The following PTPRG variants were observed in gnomAD, a reference collection of about 807,000 sequenced individuals.
The protein encoded by PTPRG is receptor-type tyrosine-protein phosphatase gamma.
A neutral mutation model predicts 165.3 loss-of-function variants in PTPRG; 102 were observed. The ratio of observed to expected loss-of-function variants is 0.62; its 90% confidence interval spans 0.53 to 0.73. PTPRG has a LOEUF of 0.73. Among genes scored for constraint, PTPRG ranks in the 30% least tolerant of loss-of-function variants. The pLI is 0.00. For synonymous variants in PTPRG, 675 were observed against 669.5 expected (o/e 1.01, Z -0.13); for missense variants, 1,866 against 1,861.4 (o/e 1.00, Z -0.05).
intron 7 of PTPRG, among the ~76,000 whole-genome samples, chr3:62,166,973 G>A (rs13063800): frequency 0.18 from 27,172 of 151,968 alleles, 3,281 homozygotes; most frequent in East Asian, 0.35. Flanking sequence ...TTGAGTCACC[G>A]CACCTGGCCC....
chr3:61,751,371 G>C (rs2033424595), intron 2 of PTPRG, among the ~76,000 whole-genome samples: 1 of 152,156 alleles, frequency 6.6e-6, no homozygotes, highest in African/African-American at 2.4e-5. Flanking sequence ...ACAAAAAAAG[G>C]CTCATTTTTT....
At chr3:62,040,981 C>T (rs1199468723) in intron 4 of PTPRG, among the ~76,000 whole-genome samples, 1 of 152,188 alleles carries the variant, frequency 6.6e-6, no homozygotes, top group Non-Finnish European at 1.5e-5. Flanking sequence ...TGCAGATGAA[C>T]AGACCAAACT....
At chr3:61,669,171 A>T (rs1171617842) in intron 1 of PTPRG, among the ~76,000 whole-genome samples, 1 of 152,060 alleles carries the variant, frequency 6.6e-6, no homozygotes, top group African/African-American at 2.4e-5. Context: ...TTGAGAGTGG[A>T]CTAAGGTAGT....
intron 7 of PTPRG, among the ~76,000 whole-genome samples, chr3:62,164,162 C>T (rs1704876373): frequency 6.6e-6 from 1 of 152,124 alleles, no homozygotes; most frequent in Non-Finnish European, 1.5e-5. Flanking sequence ...GTGGCTCCAG[C>T]CTGATTTCCA....
intron 1 of PTPRG, among the ~76,000 whole-genome samples, chr3:61,614,564 C>T (rs1229567004): frequency 6.6e-6 from 1 of 151,812 alleles, no homozygotes; most frequent in African/African-American, 2.4e-5. Flanking sequence ...TGTGCACCAC[C>T]ACGCCCAGCT....
intron 1 of PTPRG, among the ~76,000 whole-genome samples, chr3:61,673,534 T>A (rs55753309): frequency 0.057 from 8,726 of 152,252 alleles, 545 homozygotes; most frequent in African/African-American, 0.16. Context: ...GAGTACAAAT[T>A]TATTTCTACA....
chr3:62,021,379 C>T (rs2041686328), intron 4 of PTPRG, among the ~76,000 whole-genome samples: 1 of 152,182 alleles, frequency 6.6e-6, no homozygotes, highest in Non-Finnish European at 1.5e-5. Context: ...AGATGTCTAA[C>T]ATGCTATTTG....
chr3:62,277,110 T>C, intron 25 of PTPRG, 62 bp downstream of exon 25: 1 of 1,278,218 alleles, frequency 7.8e-7, no homozygotes, highest in East Asian at 2.3e-5. Context: ...AAAGAGCAGA[T>C]ACCACCTGTG....
At chr3:61,941,452 G>A (rs1369945419) in intron 2 of PTPRG, among the ~76,000 whole-genome samples, 6 of 152,044 alleles carry the variant, frequency 3.9e-5, no homozygotes, top group African/African-American at 1.2e-4. Flanking sequence ...ATGAAACCCC[G>A]TCTCTACTAA....
At chr3:61,694,301 T>A (rs1009783596) in intron 1 of PTPRG, among the ~76,000 whole-genome samples, 1 of 152,134 alleles carries the variant, frequency 6.6e-6, no homozygotes, top group Non-Finnish European at 1.5e-5. Context: ...TTTAAAGACA[T>A]TAAGAAAAAG....
At chr3:62,079,128 G>C (rs1331551972) in intron 5 of PTPRG, among the ~76,000 whole-genome samples, 2 of 152,180 alleles carry the variant, frequency 1.3e-5, no homozygotes, top group African/African-American at 4.8e-5. Context: ...TTTGACATCT[G>C]CCTTTTTGAG....
At chr3:61,744,699 A>G (rs1349891855) in intron 1 of PTPRG, among the ~76,000 whole-genome samples, 1 of 152,226 alleles carries the variant, frequency 6.6e-6, no homozygotes. Context: ...ACAAAAGGGA[A>G]AACTAAATAT....
At chr3:62,124,771 T>A (rs576150663) in intron 5 of PTPRG, among the ~76,000 whole-genome samples, 1 of 152,330 alleles carries the variant, frequency 6.6e-6, no homozygotes, top group East Asian at 1.9e-4. Context: ...TTGCCCAGGC[T>A]GGTCTCAAAC....
chr3:61,667,809 A>G (rs1702851967), intron 1 of PTPRG, among the ~76,000 whole-genome samples: 1 of 151,578 alleles, frequency 6.6e-6, no homozygotes, highest in African/African-American at 2.4e-5. Flanking sequence ...AAAAAAAAAA[A>G]GTCAGTCTGG....
Position 62,203,482 on chromosome 3 carries a change from G to C in PTPRG, c.1687G>C (p.Gly563Arg), listed in dbSNP as rs1393796295. 1.3e-6 allele frequency: 2 copies of C among 1,572,562 alleles called. No individual in the cohort carries two copies. Among genetic ancestry groups the C allele is most frequent in the South Asian group, 1.2e-5 (1 of 86,816 alleles). The part of the protein sequence containing the change: ...LATTEALASP[G>R]PDGDSSPTKD... ...CACCACAGAGGCCTTGGCTTCTCCA[G>C]GGCCCGATGGTGATTCGTCACCAAC... The change falls in exon 12 of 30, where the codon GGG becomes CGG. Residue 563 changes from glycine (G) to arginine (R), a missense_variant. Gly to Arg is a moderately radical substitution (Grantham distance 125). Around this residue, in one of 3 missense-constraint regions of PTPRG, gnomAD observed 1,452 missense variants for 1,463.0 expected, o/e 0.99. Transcript: ENST00000474889. This position sits in a 1 kb window ranked among gnomAD's most constrained non-coding sequence, Gnocchi z 6.4.
intron 8 of PTPRG, among the ~76,000 whole-genome samples, chr3:62,169,123 C>T (rs183188176): frequency 1.9e-3 from 290 of 152,102 alleles, no homozygotes; most frequent in Non-Finnish European, 3.6e-3. Flanking sequence ...TACAGGATAG[C>T]GGGATATGGC....
At chr3:61,588,658 C>T (rs1038105333) in intron 1 of PTPRG, among the ~76,000 whole-genome samples, 42 of 152,164 alleles carry the variant, frequency 2.8e-4, no homozygotes, top group Non-Finnish European at 5.6e-4. Flanking sequence ...GTTGTCCAGG[C>T]TGGTCTCAGA....
intron 2 of PTPRG, among the ~76,000 whole-genome samples, chr3:61,912,161 G>A (rs2038817106): frequency 6.6e-6 from 1 of 151,796 alleles, no homozygotes; most frequent in Non-Finnish European, 1.5e-5. Context: ...AGTATTCCTT[G>A]GTACTCTTAG....
intron 4 of PTPRG, among the ~76,000 whole-genome samples, chr3:62,028,551 C>T (rs1468820085): frequency 6.6e-6 from 1 of 152,156 alleles, no homozygotes; most frequent in Non-Finnish European, 1.5e-5. Context: ...ATATTTAAGC[C>T]TTGCCACCGT....
Sources: allele counts gnomAD v4.1 joint callset (sites outside exome capture counted in the v4.1 genomes callset), GRCh38; gene constraint gnomAD v4.1.1; regional missense constraint gnomAD v4.1.1; non-coding constraint Gnocchi (gnomAD v3.1); transcripts MANE v1.5; gene names NCBI Gene and HGNC (gene_info 2026-07-23, HGNC 2026-07-21).